The following C5orf63 variants were observed in gnomAD, a reference collection of about 807,000 sequenced individuals.
C5orf63 encodes glutaredoxin-like protein C5orf63.
A neutral mutation model predicts 13.3 loss-of-function variants in C5orf63; 18 were observed. The observed-to-expected ratio is 1.36, with a 90% CI of 0.94 to 2.01. C5orf63 has a LOEUF of 2.01. C5orf63 is among the 30% of genes most tolerant of loss of function. The probability of loss-of-function intolerance (pLI) is 0.00; values close to 1 mark genes in which losing one functional copy is unlikely to be tolerated. For missense variants in C5orf63, 118 were observed against 127.7 expected (o/e 0.92, Z 0.36); for synonymous variants, 38 against 44.7 (o/e 0.85, Z 0.60).
chr5:127,053,082 G>A (rs1306975613), intron 3 of C5orf63, among the ~76,000 whole-genome samples: 2 of 152,192 alleles, frequency 1.3e-5, no homozygotes, highest in Admixed American at 1.3e-4. Flanking sequence ...GAAAAGCACT[G>A]AGCCTTGCCA....
In C5orf63 at chr5:127,058,971, T is replaced by C. The variant is rs916229349; in HGVS notation, c.25A>G (p.Met9Val). Residue 9 changes from methionine (M) to valine (V), a missense_variant, in exon 3 of 5, where the codon ATG becomes GTG. By Grantham distance (21) the Met-to-Val change is conservative. Transcript: ENST00000296662. MLWFQGNS[M>V]QLARSSFGLF... The stretch of plus-strand genomic sequence containing the variant: ...CCAAAGGAGGATCTGGCAAGTTGCA[T>C]GCTATTTCCTTGAAACCAGAGCATC... 2.0e-6 allele frequency: 3 copies of C among 1,536,962 alleles called. No individual in the cohort carries two copies. The highest frequency in any genetic ancestry group is 1.7e-6 in the Non-Finnish European group (2 of 1,146,592).
chr5:127,052,665 G>C lies in C5orf63; in HGVS notation c.119C>G (p.Pro40Arg). The change falls in exon 4 of 5, where the codon CCA becomes CGA. Residue 40 changes from proline to arginine, a missense_variant. Transcript: ENST00000296662. ...CTTGGCTTCATCACAAAGGGGGCAT[G>C]GGTCCTACAGGAAGAAAAAAAACCC... Reference protein sequence around the residue: ...LPVLTLFTKDPCPLCDEAKEV... With the variant: ...LPVLTLFTKDRCPLCDEAKEV... 1 of 1,492,664 alleles carries C rather than the reference G, an allele frequency of 6.7e-7. No homozygotes were observed. The highest frequency in any genetic ancestry group is 1.3e-5 in the South Asian group (1 of 75,480). 92.5% of individuals were successfully genotyped at this position (1,492,664 alleles called of 1,614,324 possible).
intron 2 of C5orf63, among the ~76,000 whole-genome samples, chr5:127,067,897 A>G (rs1484882265): frequency 6.6e-6 from 1 of 152,202 alleles, no homozygotes; most frequent in African/African-American, 2.4e-5. Flanking sequence ...TTAAACCAAC[A>G]CAGCTCCTAC....
chr5:127,046,868 A>T (rs907562851), downstream of C5orf63: 5 of 152,376 alleles, frequency 3.3e-5, no homozygotes, highest in Non-Finnish European at 7.3e-5. Context: ...AGTGTGTGTA[A>T]GCAGGGGAGC....
At chr5:127,047,859 T>C (rs1311946716), downstream of C5orf63, 4 of 703,548 alleles carry the variant, frequency 5.7e-6, no homozygotes, top group East Asian at 1.1e-4. Context: ...GGTGGGAAGG[T>C]GAGGAAGGGG....
chr5:127,065,639 G>C (rs1249292829), intron 2 of C5orf63, among the ~76,000 whole-genome samples: 1 of 152,128 alleles, frequency 6.6e-6, no homozygotes, highest in Non-Finnish European at 1.5e-5. Context: ...TTTAATGGTG[G>C]TTAAGCAATG....
chr5:127,054,258 G>C (rs77552115), intron 3 of C5orf63, among the ~76,000 whole-genome samples: 1,600 of 152,184 alleles, frequency 0.011, 29 homozygotes, highest in African/African-American at 0.03. Context: ...CACAGTAATA[G>C]GATCACTGGG....
chr5:127,055,169 T>C (rs896771917), intron 3 of C5orf63, among the ~76,000 whole-genome samples: 2 of 152,160 alleles, frequency 1.3e-5, no homozygotes, highest in African/African-American at 2.4e-5. Flanking sequence ...ATCATGAAAA[T>C]GGCCATACTG....
chr5:127,073,257 C>T (rs1730983566), intron 1 of C5orf63, 194 bp downstream of exon 1: 1 of 152,094 alleles, frequency 6.6e-6, no homozygotes, highest in Admixed American at 6.5e-5. Flanking sequence ...AGCGCTATCA[C>T]AGACACACAC....
chr5:127,065,838 TTATC>T (rs1358891630), intron 2 of C5orf63, among the ~76,000 whole-genome samples: 20 of 152,162 alleles, frequency 1.3e-4, no homozygotes, highest in Admixed American at 1.2e-3. Context: ...TATTCAACAA[TTATC>T]TAATATTTTG....
chr5:127,044,842 T>C (rs1458042364), downstream of C5orf63: 1 of 148,576 alleles, frequency 6.7e-6, no homozygotes, highest in Non-Finnish European at 1.5e-5. Context: ...CTCGAACTCC[T>C]GGGCTCAAGC....
downstream of C5orf63, among the ~76,000 whole-genome samples, chr5:127,050,323 T>G (rs571016065): frequency 1.3e-5 from 2 of 152,242 alleles, no homozygotes; most frequent in South Asian, 4.2e-4. Flanking sequence ...GCTATTCAAT[T>G]GCTAAGATTT....
intron 3 of C5orf63, among the ~76,000 whole-genome samples, chr5:127,057,591 A>G (rs1230088958): frequency 6.6e-6 from 1 of 152,202 alleles, no homozygotes; most frequent in East Asian, 1.9e-4. Context: ...AATTTGCCTA[A>G]TTGCTAAAAC....
rs556526615 is a variant in C5orf63, at chr5:127,065,850, T to A, written c.-8+5734A>T. Among the ~76,000 whole-genome samples the A allele has an allele frequency of 3.0e-4, 46 of 152,280 alleles. 1 individual carries two copies. The South Asian group carries it at 5.6e-3, about 19-fold the overall frequency. The stretch of plus-strand genomic sequence containing the variant: ...ATTTATTCAACAATTATCTAATATT[T>A]TGCATGTATCAGATACTATTATAGG... On this transcript the variant is annotated intron_variant, in intron 2 of 4. Transcript: ENST00000296662.
intron 2 of C5orf63, among the ~76,000 whole-genome samples, chr5:127,065,403 T>C (rs1193906095): frequency 6.6e-6 from 1 of 152,188 alleles, no homozygotes; most frequent in Admixed American, 6.5e-5. Flanking sequence ...AGGCTAAAAT[T>C]GGAGGTGGCT....
rs1218107869 is a variant in C5orf63, at chr5:127,051,963, A to C, written c.172-16T>G. ...GTAAAATGAACTGAAACAGAGACAG[A>C]CTAAAGCTCTGTATTTTAGACCATG... On this transcript the variant is annotated splice_polypyrimidine_tract_variant and intron_variant, in intron 4 of 4. Transcript: ENST00000296662. 6.8e-7 allele frequency: 1 copy of C among 1,472,036 alleles called. No homozygotes were observed. Among genetic ancestry groups the C allele is most frequent in the Non-Finnish European group, 9.0e-7 (1 of 1,114,904 alleles). The allele number at this position is 1,472,036 out of a possible 1,614,324, so 91.2% of individuals were successfully genotyped here. A position where few individuals can be genotyped will look rare whatever the true frequency, so the allele number is the denominator to read the frequency against.
At chr5:127,065,154 A>AAT (rs1445205934) in intron 2 of C5orf63, among the ~76,000 whole-genome samples, 1 of 152,210 alleles carries the variant, frequency 6.6e-6, no homozygotes, top group Non-Finnish European at 1.5e-5. Flanking sequence ...TAACTAAAAC[A>AAT]ATAAAGTTTT....
intron 2 of C5orf63, among the ~76,000 whole-genome samples, chr5:127,066,921 A>C (rs965851145): frequency 6.6e-6 from 1 of 152,202 alleles, no homozygotes; most frequent in Non-Finnish European, 1.5e-5. Flanking sequence ...GAAGTCAATG[A>C]GAAAGTGTTT....
Position 127,051,410 on chromosome 5 carries a change from C to A in C5orf63, c.*361G>T. ...TTTATTCTTTCATTAAAAAGTTAAG[C>A]CCTCCGGGGCAGCAGCAGGAATGCA... On this transcript the variant is annotated 3_prime_UTR_variant, in exon 5 of 5. Transcript: ENST00000296662. 1 of 1,232,566 alleles carries A rather than the reference C, an allele frequency of 8.1e-7. No individual in the cohort carries two copies. The highest frequency in any genetic ancestry group is 1.0e-6 in the Non-Finnish European group (1 of 988,480). 76.4% of individuals were successfully genotyped at this position (1,232,566 alleles called of 1,614,324 possible). A position where few individuals can be genotyped will look rare whatever the true frequency, so the allele number is the denominator to read the frequency against.
Sources: gnomAD v4.1 joint callset for allele counts (sites outside exome capture counted in the v4.1 genomes callset) on GRCh38, gnomAD v4.1.1 for gene constraint, MANE v1.5 for transcripts, NCBI Gene and HGNC (gene_info 2026-07-23, HGNC 2026-07-21) for gene names.